The following GORASP1 variants were observed in gnomAD, a reference collection of about 807,000 sequenced individuals.
GORASP1 encodes the protein golgi reassembly stacking protein 1, also known as Golgi reassembly-stacking protein 1.
Under a neutral mutation model 37.7 loss-of-function variants are expected in GORASP1, and 31 were observed. That is an observed-to-expected ratio of 0.82 (90% CI 0.62 to 1.11). The LOEUF is 1.11. GORASP1 is among the 50% of genes least tolerant of loss of function. GORASP1 has a pLI of 0.00. For missense variants in GORASP1, 476 were observed against 560.7 expected (o/e 0.85, Z 1.53); for synonymous variants, 204 against 224.8 (o/e 0.91, Z 0.83).
Position 39,103,841 on chromosome 3 carries a change from A to G in GORASP1, c.64-288T>C. 1 of 337,988 alleles carries G rather than the reference A, an allele frequency of 3.0e-6. No individual in the cohort carries two copies. Among genetic ancestry groups the G allele is most frequent in the Non-Finnish European group, 5.4e-6 (1 of 185,102 alleles). The allele number at this position is 337,988 out of a possible 1,614,324, so 20.9% of individuals were successfully genotyped here. On this transcript the variant is annotated intron_variant, in intron 1 of 8. Coordinates refer to ENST00000319283, the MANE Select transcript of GORASP1 (RefSeq NM_031899.4). This position sits in a 1 kb window ranked among gnomAD's most constrained non-coding sequence, Gnocchi z 5.2. The stretch of plus-strand genomic sequence containing the variant: ...TAGGGGCTCCCAGGAGGCAATATGG[A>G]GACAGGCTGGCCCAGGCCTGTGGGA...
In GORASP1 at chr3:39,098,100, C is replaced by G; in HGVS notation, c.*136G>C. 1.9e-6 allele frequency: 2 copies of G among 1,032,242 alleles called. No homozygotes were observed. The highest frequency in any genetic ancestry group is 1.6e-5 in the African/African-American group (1 of 62,688). The allele number at this position is 1,032,242 out of a possible 1,614,324, so 63.9% of individuals were successfully genotyped here. On this transcript the variant is annotated 3_prime_UTR_variant, in exon 9 of 9. Coordinates refer to ENST00000319283, the MANE Select transcript of GORASP1 (RefSeq NM_031899.4). The surrounding 1 kb of genome is among the most constrained non-coding windows in gnomAD (Gnocchi z 4.7). Reference sequence around the variant, plus strand: ...GATATCCTCCCACAAGGCCCATGGCCCCCTCTCACCACCCACTGAGGCCTC... The same window carrying G: ...GATATCCTCCCACAAGGCCCATGGCGCCCTCTCACCACCCACTGAGGCCTC...
At chr3:39,099,529 G>GGGA in intron 6 of GORASP1, 26 bp from the exon 7 acceptor site, 6 of 1,600,548 alleles carry the variant, frequency 3.7e-6, no homozygotes, top group Non-Finnish European at 5.1e-6. Flanking sequence ...AAATGGGTAG[G>GGGA]GGACAATCAG....
At chr3:39,107,436 C>A (rs1325851891) in intron 1 of GORASP1, 43 bp downstream of exon 1, 9 of 1,250,462 alleles carry the variant, frequency 7.2e-6, no homozygotes, top group Non-Finnish European at 8.1e-6. Flanking sequence ...CGCGGGGTTG[C>A]GGGCGCCTCG....
intron 3 of GORASP1, chr3:39,101,427 A>G: frequency 7.5e-6 from 4 of 532,822 alleles, no homozygotes; most frequent in South Asian, 6.3e-5. Context: ...CAGTTTCCCC[A>G]CAATTAAAAG....
In GORASP1 at chr3:39,100,259, C is replaced by CTCTAGAGTTT; in HGVS notation, c.765+36_765+45dup. ...TTGCTGATGGCTCCCCAAGGGCAGC[C>CTCTAGAGTTT]TCTAGAGTTTTCTGTCTTCCCAGTT... On this transcript the variant is annotated intron_variant, in intron 6 of 8. Transcript: ENST00000319283. The surrounding 1 kb of genome is among the most constrained non-coding windows in gnomAD (Gnocchi z 4.6). 1 of 1,571,022 alleles carries CTCTAGAGTTT rather than the reference C, an allele frequency of 6.4e-7. No homozygotes were observed. Among genetic ancestry groups the CTCTAGAGTTT allele is most frequent in the South Asian group, 1.1e-5 (1 of 90,176 alleles).
Position 39,106,363 on chromosome 3 carries a change from A to G in GORASP1, c.63+1116T>C, listed in dbSNP as rs568476585. Among the ~76,000 whole-genome samples, 173 of 151,688 alleles carry G rather than the reference A, an allele frequency of 1.1e-3. 2 individuals are homozygous for G. The South Asian group carries it at 0.035, about 31-fold the overall frequency. ...CACCCCTCCTCTTGCCAATATCCTGAGTTCCTTTGCCTTTAATCAAACCTG... is the reference window on the plus strand; with the variant it reads ...CACCCCTCCTCTTGCCAATATCCTGGGTTCCTTTGCCTTTAATCAAACCTG... On this transcript the variant is annotated intron_variant, in intron 1 of 8. Coordinates refer to ENST00000319283, the MANE Select transcript of GORASP1 (RefSeq NM_031899.4).
chr3:39,097,866 G>T lies in GORASP1; in HGVS notation c.*370C>A. 1 of 200,966 alleles carries T rather than the reference G, an allele frequency of 5.0e-6. No homozygotes were observed. The highest frequency in any genetic ancestry group is 5.8e-5 in the Admixed American group (1 of 17,314). The allele number at this position is 200,966 out of a possible 1,614,324, so 12.4% of individuals were successfully genotyped here. On this transcript the variant is annotated 3_prime_UTR_variant, in exon 9 of 9. Coordinates refer to ENST00000319283, the MANE Select transcript of GORASP1 (RefSeq NM_031899.4). ...AGTGTTTGGGACTTGAAAGGGGGTG[G>T]TCCCAGGGCTCCAGGGTCCCTTCCA... is the stretch of plus-strand genomic sequence containing the variant.
chr3:39,099,375 T>C lies in GORASP1; in HGVS notation c.894A>G (p.Pro298=), dbSNP rs773820214. 5 of 1,613,446 alleles carry C rather than the reference T, an allele frequency of 3.1e-6. No homozygotes were observed. In the South Asian group the frequency reaches 4.4e-5, roughly 14 times the overall value. ...FMETPLQPPP[P]VQRVMDPGFL... is the part of the protein sequence containing the mutation. Reference sequence around the variant, plus strand: ...TACCTGGGTCCATAACTCGCTGCACTGGAGGTGGGGGCTGAAGAGGAGTCT... The same window carrying C: ...TACCTGGGTCCATAACTCGCTGCACCGGAGGTGGGGGCTGAAGAGGAGTCT... Residue 298 remains proline, a synonymous_variant, in exon 7 of 9, where the codon CCA becomes CCG. Coordinates refer to ENST00000319283, the MANE Select transcript of GORASP1 (RefSeq NM_031899.4).
intron 1 of GORASP1, among the ~76,000 whole-genome samples, chr3:39,104,126 G>A (rs1294332233): frequency 6.6e-6 from 1 of 152,198 alleles, no homozygotes; most frequent in African/African-American, 2.4e-5. Flanking sequence ...CAGAGAAGCA[G>A]ACCCCAGGGG....
chr3:39,105,606 G>A lies in GORASP1; in HGVS notation c.63+1873C>T, dbSNP rs922505986. The stretch of plus-strand genomic sequence containing the variant: ...GTGAATCTGCCACTACTCTAAGCTC[G>A]CTGAGGGCAGCGACTTCTCCAAAGT... On this transcript the variant is annotated intron_variant, in intron 1 of 8. Transcript: ENST00000319283. The surrounding 1 kb of genome is among the most constrained non-coding windows in gnomAD (Gnocchi z 5.4). Among the ~76,000 whole-genome samples, 5 of 152,100 alleles carry A rather than the reference G, an allele frequency of 3.3e-5. No homozygotes were observed. The highest frequency in any genetic ancestry group is 2.4e-5 in the African/African-American group (1 of 41,414).
At position 39,099,866 on chromosome 3, in the gene GORASP1, G is replaced by C. The variant is rs1475428275; in HGVS notation, c.766-363C>G. On this transcript the variant is annotated intron_variant, in intron 6 of 8. Coordinates refer to ENST00000319283, the MANE Select transcript of GORASP1 (RefSeq NM_031899.4). ...GGAGAACATCCTTGAATACTCCCTG[G>C]CCTAGACCCAAGGCACCAGCCCAGT... Among the ~76,000 whole-genome samples, 45 of 152,130 alleles carry C rather than the reference G, an allele frequency of 3.0e-4. 1 individual carries two copies.
chr3:39,098,640 C>T lies in GORASP1; in HGVS notation c.1069+101G>A. ...TACAAATGCCTTGGTGTGGCTGTAT[C>T]AACCCGATGGCCCACTTCTGCCCAG... On this transcript the variant is annotated intron_variant, in intron 8 of 8. Transcript: ENST00000319283. This position sits in a 1 kb window ranked among gnomAD's most constrained non-coding sequence, Gnocchi z 4.7. 3 of 1,522,074 alleles carry T rather than the reference C, an allele frequency of 2.0e-6. No individual in the cohort carries two copies. Among genetic ancestry groups the T allele is most frequent in the African/African-American group, 2.7e-5 (2 of 73,142 alleles). 94.3% of individuals were successfully genotyped at this position (1,522,074 alleles called of 1,614,324 possible).
Position 39,103,052 on chromosome 3 carries a change from AG to A in GORASP1, c.145-172del. ...GGGCCAGGTTCACAGACCAGGGTTG[AG>A]CCTGCAGCCACTGGGACCCCCACCT... On this transcript the variant is annotated intron_variant, in intron 2 of 8. Transcript: ENST00000319283. This position sits in a 1 kb window ranked among gnomAD's most constrained non-coding sequence, Gnocchi z 5.2. The A allele has an allele frequency of 1.5e-6, 1 of 656,878 alleles. No homozygotes were observed. Among genetic ancestry groups the A allele is most frequent in the South Asian group, 1.8e-5 (1 of 56,032 alleles). The allele number at this position is 656,878 out of a possible 1,614,324, so 40.7% of individuals were successfully genotyped here.
intron 3 of GORASP1, 70 bp from the exon 4 acceptor site, chr3:39,101,172 G>A (rs2035685600): frequency 2.2e-6 from 3 of 1,371,036 alleles, no homozygotes; most frequent in African/African-American, 1.4e-5. Flanking sequence ...AAGGGCAGGG[G>A]GAACTGCCTC....
chr3:39,099,722 G>A (rs1328686404), intron 6 of GORASP1, among the ~76,000 whole-genome samples: 1 of 152,198 alleles, frequency 6.6e-6, no homozygotes, highest in Non-Finnish European at 1.5e-5. Context: ...GGCACTGAGA[G>A]GGAGCACTCT....
intron 1 of GORASP1, chr3:39,107,076 GCTGA>G (rs1394392525): frequency 8.6e-6 from 4 of 467,328 alleles, no homozygotes; most frequent in Non-Finnish European, 1.3e-5. Context: ...CCTCGGCGTG[GCTGA>G]CTCTCTTCCC....
chr3:39,104,505 C>A (rs1284573278), intron 1 of GORASP1, among the ~76,000 whole-genome samples: 1 of 152,236 alleles, frequency 6.6e-6, no homozygotes, highest in Admixed American at 6.5e-5. Context: ...CATTTGATAA[C>A]CTGTTGGCGT....
At position 39,103,534 on chromosome 3, in the gene GORASP1, G is replaced by A. The variant is rs140734803; in HGVS notation, c.83C>T (p.Ala28Val). 2 of 1,613,246 alleles carry A rather than the reference G, an allele frequency of 1.2e-6. No homozygotes were observed. The highest frequency in any genetic ancestry group is 2.7e-5 in the African/African-American group (2 of 74,914). ...GTAGGGCTCCAGGCCCGCCTGCTGG[G>A]CTGGGGAGTTCTCCTGCACCTATCC... ...HLHGVQENSP[A>V]QQAGLEPYFD... is the part of the protein sequence containing the mutation. The change falls in exon 2 of 9, where the codon GCC (alanine) becomes GTC (valine). Residue 28 changes from alanine (A) to valine (V), a missense_variant. Physicochemically the swap from Ala to Val is moderately conservative, Grantham distance 64. Transcript: ENST00000319283. This position sits in a 1 kb window ranked among gnomAD's most constrained non-coding sequence, Gnocchi z 5.2.
chr3:39,098,451 A>G lies in GORASP1; in HGVS notation c.1108T>C (p.Phe370Leu), dbSNP rs774220840. 4 of 1,614,164 alleles carry G rather than the reference A, an allele frequency of 2.5e-6. No individual in the cohort carries two copies. The highest frequency in any genetic ancestry group is 1.7e-5 in the Admixed American group (1 of 60,022). Reference sequence around the variant, plus strand: ...GCTTGGGCACCTGGGCTGTCCAGGAAGGAGACCTCAAACTCTGACCCAGAC... The same window carrying G: ...GCTTGGGCACCTGGGCTGTCCAGGAGGGAGACCTCAAACTCTGACCCAGAC... ...TWSGSEFEVS[F>L]LDSPGAQAQA... Residue 370 changes from phenylalanine (F) to leucine (L), a missense_variant, in exon 9 of 9, where the codon TTC becomes CTC. Transcript: ENST00000319283. The surrounding 1 kb of genome is among the most constrained non-coding windows in gnomAD (Gnocchi z 4.7).
Sources: allele counts gnomAD v4.1 joint callset (sites outside exome capture counted in the v4.1 genomes callset), GRCh38; gene constraint gnomAD v4.1.1; non-coding constraint Gnocchi (gnomAD v3.1); transcripts MANE v1.5; gene names NCBI Gene and HGNC (gene_info 2026-07-23, HGNC 2026-07-21).